SNTB1: variants seen among roughly 807,000 people sequenced by gnomAD.
SNTB1 encodes the protein beta-1-syntrophin.
In SNTB1, 36 loss-of-function variants were observed where a neutral mutation model predicts 48.9. The observed-to-expected ratio is 0.74, with a 90% CI of 0.56 to 0.97. The LOEUF (loss-of-function observed/expected upper bound fraction) is 0.97, where lower values mean the gene tolerates loss of function less well. Ranked by LOEUF, SNTB1 falls within the 50% of genes least tolerant of loss-of-function variation. The pLI is 0.00. For missense variants in SNTB1, 786 were observed against 703.4 expected (o/e 1.12, Z -1.33); for synonymous variants, 299 against 294.6 (o/e 1.01, Z -0.15).
chr8:120,775,750 GGAAGGAAAGAAGGAAA>G (rs1174596828), intron 1 of SNTB1, among the ~76,000 whole-genome samples: 94 of 132,060 alleles, frequency 7.1e-4, no homozygotes, highest in African/African-American at 2.4e-3. Context: ...AAGGAAGGAA[GGAAGGAAAGAAGGAAA>G]GAAGGAAGGA....
At chr8:120,541,786 CTG>C (rs1815292598) in intron 6 of SNTB1, 22 bp downstream of exon 6, 1 of 1,535,170 alleles carries the variant, frequency 6.5e-7, no homozygotes, top group South Asian at 1.2e-5. Flanking sequence ...TGAAATCACA[CTG>C]TCTAAAGAAA....
intron 1 of SNTB1, among the ~76,000 whole-genome samples, chr8:120,708,227 A>C (rs1271442769): frequency 6.6e-6 from 1 of 151,804 alleles, no homozygotes; most frequent in African/African-American, 2.4e-5. Context: ...AAACTGACCT[A>C]AGAAAATAGA....
At position 120,586,765 on chromosome 8, in the gene SNTB1, C is replaced by T. The variant is rs373767944; in HGVS notation, c.997-11540G>A. Among the ~76,000 whole-genome samples, 17 of 152,222 alleles carry T rather than the reference C, an allele frequency of 1.1e-4. No individual in the cohort carries two copies. In the South Asian group the frequency reaches 1.2e-3, roughly 11 times the overall value. On this transcript the variant is annotated intron_variant, in intron 3 of 6. Transcript: ENST00000517992. The stretch of plus-strand genomic sequence containing the variant: ...GCAACGAGTTTAAGTTGAAAAATAA[C>T]GTATGGAGCGAAATGACAGGAAATA...
At chr8:120,557,091 T>C (rs1430162337) in intron 4 of SNTB1, among the ~76,000 whole-genome samples, 2 of 152,122 alleles carry the variant, frequency 1.3e-5, no homozygotes, top group African/African-American at 2.4e-5. Context: ...GTCATTTAGA[T>C]TGGAAATTGA....
Position 120,583,514 on chromosome 8 carries a change from A to AACACAC in SNTB1, c.997-8295_997-8290dup, listed in dbSNP as rs10524445. ...GTGAAAGAGGGAAACTCCGTCTCAA[A>AACACAC]ACACACACACACACACACACACACA... is the stretch of plus-strand genomic sequence containing the variant. On this transcript the variant is annotated intron_variant, in intron 3 of 6. Coordinates refer to ENST00000517992, the MANE Select transcript of SNTB1 (RefSeq NM_021021.4). Among the ~76,000 whole-genome samples the AACACAC allele has an allele frequency of 5.3e-3, 763 of 143,130 alleles. 9 individuals are homozygous for AACACAC. The highest frequency in any genetic ancestry group is 0.017 in the African/African-American group (641 of 37,028). 93.9% of individuals were successfully genotyped at this position (143,130 alleles called of 152,430 possible). A position where few individuals can be genotyped will look rare whatever the true frequency, so the allele number is the denominator to read the frequency against.
In SNTB1 at chr8:120,702,295, G is replaced by A. The variant is rs141482180; in HGVS notation, c.572-8387C>T. On this transcript the variant is annotated intron_variant, in intron 1 of 6. Transcript: ENST00000517992. The stretch of plus-strand genomic sequence containing the variant: ...GACATGCACTAGAGGACAGGAGCCC[G>A]TCCCCTTTCACACAGAGCCACTCAC... Among the ~76,000 whole-genome samples the A allele has an allele frequency of 1.1e-3, 165 of 152,250 alleles. No homozygotes were observed. The South Asian group carries it at 0.019, about 18-fold the overall frequency.
intron 2 of SNTB1, among the ~76,000 whole-genome samples, chr8:120,660,107 A>C (rs568341091): frequency 6.6e-6 from 1 of 152,326 alleles, no homozygotes; most frequent in East Asian, 1.9e-4. Context: ...TGGTCCTAGG[A>C]TATTTAGAAT....
At chr8:120,598,944 T>G (rs911638079) in intron 3 of SNTB1, among the ~76,000 whole-genome samples, 2 of 152,178 alleles carry the variant, frequency 1.3e-5, no homozygotes, top group Non-Finnish European at 2.9e-5. Context: ...TGTGGTTACA[T>G]GTAGGACCCA....
chr8:120,786,536 C>T (rs1293310055), intron 1 of SNTB1, among the ~76,000 whole-genome samples: 1 of 152,190 alleles, frequency 6.6e-6, no homozygotes, highest in Admixed American at 6.5e-5. Context: ...TTCTGGAACA[C>T]TTCAGGGTGA....
At chr8:120,761,161 A>AT (rs942112788) in intron 1 of SNTB1, 1 of 152,220 alleles carries the variant, frequency 6.6e-6, no homozygotes, top group African/African-American at 2.4e-5. Flanking sequence ...TTTTAGCGCC[A>AT]TATCAATAGG....
At chr8:120,712,522 A>G (rs1258375243) in intron 1 of SNTB1, among the ~76,000 whole-genome samples, 2 of 152,144 alleles carry the variant, frequency 1.3e-5, no homozygotes, top group African/African-American at 4.8e-5. Flanking sequence ...CAAGGAGGTC[A>G]AGGATAGAAG....
At chr8:120,542,869 C>G (rs986437876) in intron 5 of SNTB1, among the ~76,000 whole-genome samples, 3 of 152,030 alleles carry the variant, frequency 2.0e-5, no homozygotes, top group African/African-American at 7.2e-5. Flanking sequence ...TAAAAAATCT[C>G]TTTTTAGAAA....
chr8:120,692,185 G>A (rs926821996), intron 2 of SNTB1, among the ~76,000 whole-genome samples: 1 of 152,140 alleles, frequency 6.6e-6, no homozygotes, highest in East Asian at 1.9e-4. Flanking sequence ...CAGCTGGCCA[G>A]AGCCAGAAGG....
intron 1 of SNTB1, among the ~76,000 whole-genome samples, chr8:120,803,697 C>T (rs1460812456): frequency 2.0e-5 from 3 of 152,184 alleles, no homozygotes; most frequent in African/African-American, 4.8e-5. Flanking sequence ...GAGCATTTCC[C>T]AACCACAGCA....
In SNTB1 at chr8:120,541,891, AGAC is replaced by A; in HGVS notation, c.1440_1442del (p.Gln480_Ser481delinsHis). ...AAGACATTTTGAGCTTTTCATAAGGAGACTGTATGATGGTCTTGGGAAAGGCAC... is the reference window on the plus strand; with the variant it reads ...AAGACATTTTGAGCTTTTCATAAGGATGTATGATGGTCTTGGGAAAGGCAC... On this transcript the variant is annotated inframe_deletion, in exon 6 of 7. Coordinates refer to ENST00000517992, the MANE Select transcript of SNTB1 (RefSeq NM_021021.4). The A allele has an allele frequency of 6.2e-7, 1 of 1,613,948 alleles. No individual in the cohort carries two copies. Among genetic ancestry groups the A allele is most frequent in the Non-Finnish European group, 8.5e-7 (1 of 1,179,882 alleles).
chr8:120,546,615 A>G (rs1212323275), intron 5 of SNTB1, among the ~76,000 whole-genome samples: 1 of 152,090 alleles, frequency 6.6e-6, no homozygotes, highest in Non-Finnish European at 1.5e-5. Context: ...GATTACAGGC[A>G]CATGCCACGG....
chr8:120,651,782 G>C (rs1471455958), intron 2 of SNTB1, among the ~76,000 whole-genome samples: 1 of 152,172 alleles, frequency 6.6e-6, no homozygotes, highest in Non-Finnish European at 1.5e-5. Flanking sequence ...TAAGTGGTGT[G>C]TGAAAATGTC....
intron 3 of SNTB1, among the ~76,000 whole-genome samples, chr8:120,580,710 A>G (rs1398825081): frequency 1.3e-5 from 2 of 152,214 alleles, no homozygotes; most frequent in Non-Finnish European, 2.9e-5. Flanking sequence ...CTATCGGTGT[A>G]ATAATAATAA....
intron 2 of SNTB1, chr8:120,637,455 A>AT (rs759273416): frequency 1.0e-4 from 20 of 193,708 alleles, no homozygotes; most frequent in Non-Finnish European, 1.9e-4. Context: ...AAAGGCTTTG[A>AT]TTTTTTAGGT....
Sources: allele counts gnomAD v4.1 joint callset (sites outside exome capture counted in the v4.1 genomes callset), GRCh38; gene constraint gnomAD v4.1.1; transcripts MANE v1.5; gene names NCBI Gene and HGNC (gene_info 2026-07-23, HGNC 2026-07-21).